The following DSC2 variants were observed in gnomAD, a reference collection of about 807,000 sequenced individuals.
The protein encoded by DSC2 is desmocollin-2.
In DSC2, 51 loss-of-function variants were observed where a neutral mutation model predicts 87.6. The observed-to-expected ratio is 0.58, with a 90% CI of 0.46 to 0.74. The LOEUF is 0.74. DSC2 is among the 30% of genes least tolerant of loss of function. DSC2 has a pLI of 0.00. For synonymous variants in DSC2, 383 were observed against 393.2 expected, an observed-to-expected ratio of 0.97 and a Z score of 0.31; for missense variants, 1,066 against 1,089.5, an observed-to-expected ratio of 0.98 and a Z score of 0.30.
rs1187490995 is a variant in DSC2, at chr18:31,101,759, C to T, written c.69+144G>A. 7.6e-6 allele frequency: 5 copies of T among 661,864 alleles called. 1 individual carries two copies. Among genetic ancestry groups the T allele is most frequent in the Non-Finnish European group, 1.2e-5 (5 of 433,578 alleles). The allele number at this position is 661,864 out of a possible 1,614,324, so 41.0% of individuals were successfully genotyped here. ...TCTTCCTATCTGCCCTCCCCCACCC[C>T]CGCCAACTCCATTTTCTAGCCACCC... On this transcript the variant is annotated intron_variant, in intron 1 of 15. Coordinates refer to ENST00000280904, the MANE Select transcript of DSC2 (RefSeq NM_024422.6).
chr18:31,091,980 G>A, intron 3 of DSC2, 121 bp downstream of exon 3: 1 of 1,002,620 alleles, frequency 1.0e-6, no homozygotes, highest in Non-Finnish European at 1.5e-6. Flanking sequence ...GTTGCCTCAT[G>A]GTTTTCATTC....
Position 31,093,737 on chromosome 18 carries a change from T to C in DSC2, c.70-94A>G, listed in dbSNP as rs550239349. The C allele has an allele frequency of 5.0e-5, 27 of 544,562 alleles. No individual in the cohort carries two copies. In the Admixed American group the frequency reaches 1.0e-3, roughly 20 times the overall value. 33.7% of individuals were successfully genotyped at this position (544,562 alleles called of 1,614,324 possible). On this transcript the variant is annotated intron_variant, in intron 1 of 15. Coordinates refer to ENST00000280904, the MANE Select transcript of DSC2 (RefSeq NM_024422.6). ...TATAAATTATAAATTTATAATGATA[T>C]ACACATAAAAAGGCATATAATACTT... is the stretch of plus-strand genomic sequence containing the variant.
In DSC2 at chr18:31,087,683, T is replaced by C. The variant is rs1484428041; in HGVS notation, c.761A>G (p.Glu254Gly). ...GAGGTACTCACCCACTCTGCAATTT[T>C]CAAAAATTGTAAAAGTATAAGTTTC... ...TEETYTFTIF[E>G]NCRVGTTVGQ... The change falls in exon 6 of 16, where the codon GAA becomes GGA. Residue 254 changes from glutamate (E) to glycine (G), a missense_variant. Transcript: ENST00000280904. The C allele has an allele frequency of 1.2e-6, 2 of 1,612,696 alleles. No homozygotes were observed. Among genetic ancestry groups the C allele is most frequent in the Middle Eastern group, 1.8e-4 (1 of 5,470 alleles).
At chr18:31,097,151 G>A (rs1475334672) in intron 1 of DSC2, among the ~76,000 whole-genome samples, 5 of 151,932 alleles carry the variant, frequency 3.3e-5, no homozygotes, top group African/African-American at 1.2e-4. Context: ...AGCCAGGCGT[G>A]GTGGCGGGCA....
chr18:31,099,013 T>C (rs2144863865), intron 1 of DSC2, among the ~76,000 whole-genome samples: 1 of 152,278 alleles, frequency 6.6e-6, no homozygotes, highest in Admixed American at 6.5e-5. Flanking sequence ...AACAGGCATA[T>C]GGTACTGACA....
chr18:31,095,386 G>C (rs1987731728), intron 1 of DSC2, among the ~76,000 whole-genome samples: 1 of 152,164 alleles, frequency 6.6e-6, no homozygotes, highest in Non-Finnish European at 1.5e-5. Flanking sequence ...TGAGTGCAAA[G>C]AGAAGCAACA....
chr18:31,101,993 G>C lies in DSC2; in HGVS notation c.-22C>G, dbSNP rs1057522922. On this transcript the variant is annotated 5_prime_UTR_variant, in exon 1 of 16. Transcript: ENST00000280904. ...CCATGGAGAGGGCTCGGGGCAGGTCGCGGGCCGAGCGTCGGGCCGGGGTAG... is the reference window on the plus strand; with the variant it reads ...CCATGGAGAGGGCTCGGGGCAGGTCCCGGGCCGAGCGTCGGGCCGGGGTAG... 6.7e-7 allele frequency: 1 copy of C among 1,487,934 alleles called. No homozygotes were observed. Among genetic ancestry groups the C allele is most frequent in the South Asian group, 1.3e-5 (1 of 79,104 alleles). The allele number at this position is 1,487,934 out of a possible 1,614,324, so 92.2% of individuals were successfully genotyped here. A position where few individuals can be genotyped will look rare whatever the true frequency, so the allele number is the denominator to read the frequency against.
chr18:31,092,159 G>C lies in DSC2; in HGVS notation c.296C>G (p.Ser99Cys). The change falls in exon 3 of 16, where the codon TCC (serine) becomes TGC (cysteine). Residue 99 changes from serine (S) to cysteine (C), a missense_variant. Physicochemically the swap from Ser to Cys is moderately radical, Grantham distance 112 (BLOSUM62 -1). Coordinates refer to ENST00000280904, the MANE Select transcript of DSC2 (RefSeq NM_024422.6). ...CTTCTTTTCTTGGTTCTCAGTGTTGGAAAGTAATATGGTAAAACTTCTCTT... is the reference window on the plus strand; with the variant it reads ...CTTCTTTTCTTGGTTCTCAGTGTTGCAAAGTAATATGGTAAAACTTCTCTT... ...SEKRSFTILLSNTENQEKKKI... is the reference protein window; with the variant it reads ...SEKRSFTILLCNTENQEKKKI... 1.2e-6 allele frequency: 2 copies of C among 1,613,402 alleles called. No homozygotes were observed. The highest frequency in any genetic ancestry group is 1.7e-6 in the Non-Finnish European group (2 of 1,179,610).
Position 31,063,220 on chromosome 18 carries a change from A to G in DSC2, c.*4795T>C, listed in dbSNP as rs925318549. 2.0e-5 allele frequency: 3 copies of G among 151,672 alleles called. No individual in the cohort carries two copies. Among genetic ancestry groups the G allele is most frequent in the African/African-American group, 7.3e-5 (3 of 41,198 alleles). 9.4% of individuals were successfully genotyped at this position (151,672 alleles called of 1,614,324 possible). On this transcript the variant is annotated 3_prime_UTR_variant, in exon 16 of 16. Transcript: ENST00000280904. ...GTGGTAGGTGCCTGTAATCCCAGCT[A>G]CTCAGGAGGCTGAGGCAGAAGAATT...
Position 31,080,239 on chromosome 18 carries a change from A to C in DSC2, c.1377T>G (p.Thr459=), listed in dbSNP as rs756684316. 1 of 1,613,980 alleles carries C rather than the reference A, an allele frequency of 6.2e-7. No individual in the cohort carries two copies. Among genetic ancestry groups the C allele is most frequent in the African/African-American group, 1.3e-5 (1 of 74,924 alleles). Residue 459 remains threonine (T), a synonymous_variant, in exon 10 of 16, where the codon ACT becomes ACG. Coordinates refer to ENST00000280904, the MANE Select transcript of DSC2 (RefSeq NM_024422.6). ...CCTCATCCTGATCTTCTACATTAACAGTAACTGTTGCTGTGCTCATGGCTG... is the reference window on the plus strand; with the variant it reads ...CCTCATCCTGATCTTCTACATTAACCGTAACTGTTGCTGTGCTCATGGCTG... ...PRSAMSTATV[T]VNVEDQDEGP...
Position 31,089,780 on chromosome 18 carries a change from A to C in DSC2, c.475-186T>G, listed in dbSNP as rs563662371. 3.9e-5 allele frequency among the ~76,000 whole-genome samples: 6 copies of C among 152,316 alleles called. No individual in the cohort carries two copies. In the East Asian group the frequency reaches 1.2e-3, roughly 29 times the overall value. On this transcript the variant is annotated intron_variant, in intron 4 of 15. Transcript: ENST00000280904. ...TGAGAAATTTCAAGAGCAAGGCATG[A>C]GTAAAATAATGTAGTGCATCTTAGT...
intron 1 of DSC2, 118 bp downstream of exon 1, chr18:31,101,785 A>T: frequency 2.1e-6 from 1 of 487,592 alleles, no homozygotes; most frequent in Non-Finnish European, 2.8e-6. Flanking sequence ...CTAGCCACCC[A>T]GAGGCCCCTT....
In DSC2 at chr18:31,074,756, G is replaced by A. The variant is rs770678394; in HGVS notation, c.1815C>T (p.Gly605=). ...TCTCCAGACTAAAGTCAAAGGGTGG[G>A]CCATGGATAGGCTCATCAGGATCAA... ...VAVDPDEPIH[G]PPFDFSLESS... is the part of the protein sequence containing the mutation. The change falls in exon 12 of 16, where the codon GGC becomes GGT. Residue 605 remains glycine, a synonymous_variant. Transcript: ENST00000280904. 2.5e-6 allele frequency: 4 copies of A among 1,613,992 alleles called. No homozygotes were observed. In the South Asian group the frequency reaches 3.3e-5, roughly 13 times the overall value.
chr18:31,065,253 T>A lies in DSC2; in HGVS notation c.*2762A>T, dbSNP rs1986586646. ...TGGTCGGGCTTCTGGGAAAGGTGAA[T>A]AAGAGCATCATGGCAAGATGTCAGC... On this transcript the variant is annotated 3_prime_UTR_variant, in exon 16 of 16. Transcript: ENST00000280904. 1 of 152,202 alleles carries A rather than the reference T, an allele frequency of 6.6e-6. No homozygotes were observed. The highest frequency in any genetic ancestry group is 1.5e-5 in the Non-Finnish European group (1 of 68,070). The allele number at this position is 152,202 out of a possible 1,614,324, so 9.4% of individuals were successfully genotyped here. A position where few individuals can be genotyped will look rare whatever the true frequency, so the allele number is the denominator to read the frequency against.
Position 31,063,414 on chromosome 18 carries a change from T to C in DSC2, c.*4601A>G, listed in dbSNP as rs979470654. 6.6e-6 allele frequency: 1 copy of C among 151,304 alleles called. No homozygotes were observed. The highest frequency in any genetic ancestry group is 1.5e-5 in the Non-Finnish European group (1 of 67,932). The allele number at this position is 151,304 out of a possible 1,614,324, so 9.4% of individuals were successfully genotyped here. A position where few individuals can be genotyped will look rare whatever the true frequency, so the allele number is the denominator to read the frequency against. On this transcript the variant is annotated 3_prime_UTR_variant, in exon 16 of 16. Transcript: ENST00000280904. ...CTTTCTTGGTCCTTAGTGTCCTACA[T>C]GAAAGAAAAGAAACACACACACAAA...
chr18:31,100,016 G>A (rs753426295), intron 1 of DSC2, among the ~76,000 whole-genome samples: 1 of 152,074 alleles, frequency 6.6e-6, no homozygotes, highest in Non-Finnish European at 1.5e-5. Flanking sequence ...GACCACAGGC[G>A]CGCACCCCAT....
At position 31,087,709 on chromosome 18, in the gene DSC2, T is replaced by A; in HGVS notation, c.735A>T (p.Glu245Asp). ...CAAAAATTGTAAAAGTATAAGTTTCTTCTGTAAAAATTGGGTAGTTATCAT... is the reference window on the plus strand; with the variant it reads ...CAAAAATTGTAAAAGTATAAGTTTCATCTGTAAAAATTGGGTAGTTATCAT... ...DENDNYPIFTEETYTFTIFEN... is the reference protein window; with the variant it reads ...DENDNYPIFTDETYTFTIFEN... Residue 245 changes from glutamate to aspartate, a missense_variant, in exon 6 of 16, where the codon GAA becomes GAT. Glu to Asp is a conservative substitution (Grantham distance 45, BLOSUM62 2). Coordinates refer to ENST00000280904, the MANE Select transcript of DSC2 (RefSeq NM_024422.6). 2 of 1,613,662 alleles carry A rather than the reference T, an allele frequency of 1.2e-6. No homozygotes were observed. The highest frequency in any genetic ancestry group is 2.2e-5 in the South Asian group (2 of 91,074).
intron 4 of DSC2, 99 bp from the exon 5 acceptor site, chr18:31,089,693 T>G: frequency 1.8e-6 from 2 of 1,104,736 alleles, no homozygotes; most frequent in African/African-American, 3.4e-5. Flanking sequence ...TTAGTTTAAA[T>G]AATTGCCCTT....
chr18:31,068,462 A>G, intron 15 of DSC2: 1 of 1,081,386 alleles, frequency 9.2e-7, no homozygotes, highest in African/African-American at 1.6e-5. Context: ...CATTTTACAT[A>G]GTCACTACTT....
Sources: gnomAD v4.1 joint callset for allele counts (sites outside exome capture counted in the v4.1 genomes callset) on GRCh38, gnomAD v4.1.1 for gene constraint, MANE v1.5 for transcripts, NCBI Gene and HGNC (gene_info 2026-07-23, HGNC 2026-07-21) for gene names.